Variants in RBBP8NL observed in about 807,000 individuals in gnomAD.
The protein encoded by RBBP8NL is RBBP8 N-terminal-like protein.
RBBP8NL carries 59 observed loss-of-function variants against 62.2 expected under a neutral mutation model. The observed-to-expected ratio is 0.95, with a 90% confidence interval of 0.77 to 1.18. The LOEUF (loss-of-function observed/expected upper bound fraction) is 1.18, where lower values mean the gene tolerates loss of function less well. Ranked by LOEUF, RBBP8NL falls within the 50% of genes most tolerant of loss-of-function variation. RBBP8NL has a pLI of 0.00. For synonymous variants in RBBP8NL, 412 were observed against 394.1 expected (o/e 1.05, Z -0.54); for missense variants, 896 against 899.5 (o/e 1.00, Z 0.05).
chr20:62,418,006 C>T (rs201071108), intron 3 of RBBP8NL, among the ~76,000 whole-genome samples: 2 of 152,000 alleles, frequency 1.3e-5, no homozygotes, highest in Admixed American at 6.6e-5. Flanking sequence ...CTGCACGCTC[C>T]TCTGTGACGT....
intron 11 of RBBP8NL, 142 bp from the exon 12 acceptor site, chr20:62,413,042 G>T: frequency 1.0e-6 from 1 of 972,048 alleles, no homozygotes; most frequent in Non-Finnish European, 1.5e-6. Flanking sequence ...CCAGGGCACT[G>T]GCTGACAGGA....
chr20:62,412,767 G>A lies in RBBP8NL; in HGVS notation c.1747-14C>T. 1 of 1,612,840 alleles carries A rather than the reference G, an allele frequency of 6.2e-7. No individual in the cohort carries two copies. Among genetic ancestry groups the A allele is most frequent in the South Asian group, 1.1e-5 (1 of 91,084 alleles). On this transcript the variant is annotated splice_polypyrimidine_tract_variant and intron_variant, in intron 12 of 13. Transcript: ENST00000252998. The stretch of plus-strand genomic sequence containing the variant: ...GCTCAGGCCCACCTGGGGAGAAGGG[G>A]GTGTGGTCACGAGGAGGACTGCCTC...
At chr20:62,422,041 A>G (rs1194731103) in intron 1 of RBBP8NL, among the ~76,000 whole-genome samples, 2 of 151,544 alleles carry the variant, frequency 1.3e-5, no homozygotes, top group Non-Finnish European at 2.9e-5. Flanking sequence ...GCCTCCCCCC[A>G]TCTCTTCCAG....
At chr20:62,422,901 C>T (rs78908215) in intron 1 of RBBP8NL, among the ~76,000 whole-genome samples, 4,011 of 152,148 alleles carry the variant, frequency 0.026, 174 homozygotes, top group African/African-American at 0.089. Flanking sequence ...TGCAGAGGCT[C>T]AGTCCACAGA....
intron 1 of RBBP8NL, among the ~76,000 whole-genome samples, chr20:62,423,504 C>T (rs560493327): frequency 1.1e-4 from 17 of 152,286 alleles, no homozygotes; most frequent in Middle Eastern, 3.4e-3. Context: ...TCCTGAAACT[C>T]CCCCCAGACC....
At chr20:62,413,345 C>T in intron 11 of RBBP8NL, 56 bp downstream of exon 11, 1 of 1,371,736 alleles carries the variant, frequency 7.3e-7, no homozygotes, top group Non-Finnish European at 9.4e-7. Flanking sequence ...ACCACCCTCT[C>T]TCTCCGTGGG....
Position 62,414,377 on chromosome 20 carries a change from C to T in RBBP8NL, c.974G>A (p.Arg325Lys), listed in dbSNP as rs1988512702. 1 of 1,545,450 alleles carries T rather than the reference C, an allele frequency of 6.5e-7. No homozygotes were observed. Among genetic ancestry groups the T allele is most frequent in the Non-Finnish European group, 8.8e-7 (1 of 1,141,464 alleles). The part of the protein sequence containing the change: ...SDPRLQDLKA[R>K]EAEAWEEPTE... ...GGGCTCCTCCCAGGCCTCTGCTTCT[C>T]TGGCCTTCAGGTCCTGGAGCCGGGG... Residue 325 changes from arginine to lysine, a missense_variant, in exon 10 of 14, where the codon AGA (arginine) becomes AAA (lysine). Transcript: ENST00000252998.
chr20:62,410,947 C>T lies in RBBP8NL; in HGVS notation c.1926G>A (p.Gly642=). 1 of 1,613,730 alleles carries T rather than the reference C, an allele frequency of 6.2e-7. No homozygotes were observed. The highest frequency in any genetic ancestry group is 8.5e-7 in the Non-Finnish European group (1 of 1,179,902). Residue 642 remains glycine (G), a synonymous_variant, in exon 14 of 14, where the codon GGG becomes GGA. Coordinates refer to ENST00000252998, the MANE Select transcript of RBBP8NL (RefSeq NM_080833.3). ...CCTCGGCGTCCCTTGGGCTCCCGGGCCCCTCAGTGGCTGTCAGTTTCCTTC... is the reference window on the plus strand; with the variant it reads ...CCTCGGCGTCCCTTGGGCTCCCGGGTCCCTCAGTGGCTGTCAGTTTCCTTC... ...RGRRKLTATE[G]PGSPRDAEDH... is the part of the protein sequence containing the mutation.
Position 62,416,176 on chromosome 20 carries a change from A to C in RBBP8NL, c.374T>G (p.Leu125Arg), listed in dbSNP as rs750119814. The change falls in exon 6 of 14, where the codon CTT becomes CGT. Residue 125 changes from leucine (L) to arginine (R), a missense_variant. Physicochemically the swap from Leu to Arg is moderately radical, Grantham distance 102. Transcript: ENST00000252998. Reference sequence around the variant, plus strand: ...CTTTCCCACTCACCCCAGGCCCCGAAGCCGCTTCACCTCCTCCTTCAAGGT... The same window carrying C: ...CTTTCCCACTCACCCCAGGCCCCGACGCCGCTTCACCTCCTCCTTCAAGGT... ...NETLKEEVKR[L>R]RGLGDRPKPR... 6.2e-7 allele frequency: 1 copy of C among 1,612,330 alleles called. No homozygotes were observed. Among genetic ancestry groups the C allele is most frequent in the Non-Finnish European group, 8.5e-7 (1 of 1,179,568 alleles).
At position 62,413,872 on chromosome 20, in the gene RBBP8NL, A is replaced by G; in HGVS notation, c.1479T>C (p.Asn493=). The G allele has an allele frequency of 6.3e-7, 1 of 1,596,362 alleles. No homozygotes were observed. The highest frequency in any genetic ancestry group is 8.5e-7 in the Non-Finnish European group (1 of 1,172,408). The part of the protein sequence containing the change: ...PLTRSPQALS[N]GTKGTRVPEQ... ...CTGGCACTCTGGTCCCCTTGGTGCCATTGCTGAGTGCCTGGGGACTGCGAG... is the reference window on the plus strand; with the variant it reads ...CTGGCACTCTGGTCCCCTTGGTGCCGTTGCTGAGTGCCTGGGGACTGCGAG... Residue 493 remains asparagine (N), a synonymous_variant, in exon 10 of 14, where the codon AAT becomes AAC. Transcript: ENST00000252998.
chr20:62,416,288 C>CG, intron 5 of RBBP8NL, 52 bp from the exon 6 acceptor site: 1 of 206,530 alleles, frequency 4.8e-6, no homozygotes, highest in East Asian at 1.2e-4. Flanking sequence ...GGGACAGGGG[C>CG]AGGGGTGGGG....
chr20:62,425,008 C>T (rs777622032), intron 1 of RBBP8NL, among the ~76,000 whole-genome samples: 1 of 152,156 alleles, frequency 6.6e-6, no homozygotes, highest in African/African-American at 2.4e-5. Flanking sequence ...CCTGGTGGGG[C>T]TCTCGGACCC....
In RBBP8NL at chr20:62,415,016, A is replaced by G. The variant is rs1988528801; in HGVS notation, c.794+105T>C. On this transcript the variant is annotated intron_variant, in intron 9 of 13. Coordinates refer to ENST00000252998, the MANE Select transcript of RBBP8NL (RefSeq NM_080833.3). ...GTGCCCAGAAAAAGCCAAGCCAGAG[A>G]AGTTCAGGGCTGTGAGGGATAATCA... 6.5e-6 allele frequency: 8 copies of G among 1,229,306 alleles called. No homozygotes were observed. The East Asian group carries it at 2.3e-4, about 35-fold the overall frequency. 76.1% of individuals were successfully genotyped at this position (1,229,306 alleles called of 1,614,324 possible). A position where few individuals can be genotyped will look rare whatever the true frequency, so the allele number is the denominator to read the frequency against.
At chr20:62,420,379 C>CACACACAT (rs1555892567) in intron 1 of RBBP8NL, among the ~76,000 whole-genome samples, 1 of 145,742 alleles carries the variant, frequency 6.9e-6, no homozygotes, top group African/African-American at 2.7e-5. Flanking sequence ...CACACACACA[C>CACACACAT]ACACACACAC....
chr20:62,417,665 C>G (rs1569025754), intron 3 of RBBP8NL, among the ~76,000 whole-genome samples: 1 of 111,992 alleles, frequency 8.9e-6, no homozygotes, highest in Admixed American at 9.3e-5. Context: ...GTCCACGCAC[C>G]CCCCCCAGTC....
Position 62,415,598 on chromosome 20 carries a change from C to G in RBBP8NL, c.607G>C (p.Glu203Gln). Residue 203 changes from glutamate (E) to glutamine (Q), a missense_variant, in exon 8 of 14, where the codon GAG becomes CAG. Coordinates refer to ENST00000252998, the MANE Select transcript of RBBP8NL (RefSeq NM_080833.3). The part of the protein sequence containing the change: ...AKISPGATLP[E>Q]SRAPDMSPQR... ...CTTACCATGTCTGGGGCTCGCGACT[C>G]AGGCAGGGTGGCCCCTGGGGAGATT... 6.2e-7 allele frequency: 1 copy of G among 1,612,898 alleles called. No individual in the cohort carries two copies. The highest frequency in any genetic ancestry group is 8.5e-7 in the Non-Finnish European group (1 of 1,179,920).
chr20:62,427,045 T>A (rs1988826391), intron 1 of RBBP8NL, among the ~76,000 whole-genome samples: 1 of 152,184 alleles, frequency 6.6e-6, no homozygotes, highest in Non-Finnish European at 1.5e-5. Context: ...CTGCGGGTGC[T>A]GCACCCCTGC....
At chr20:62,425,070 G>C (rs552154440) in intron 1 of RBBP8NL, among the ~76,000 whole-genome samples, 1 of 152,324 alleles carries the variant, frequency 6.6e-6, no homozygotes, top group Admixed American at 6.5e-5. Flanking sequence ...CTCTGAGCCT[G>C]TTTCCTCACC....
At chr20:62,411,926 G>A (rs897866672) in intron 13 of RBBP8NL, among the ~76,000 whole-genome samples, 1 of 152,264 alleles carries the variant, frequency 6.6e-6, no homozygotes, top group Admixed American at 6.5e-5. Context: ...TGCTGCCTGC[G>A]GGCCTTGCCC....
Sources: allele counts gnomAD v4.1 joint callset (sites outside exome capture counted in the v4.1 genomes callset), GRCh38; gene constraint gnomAD v4.1.1; transcripts MANE v1.5; gene names NCBI Gene and HGNC (gene_info 2026-07-23, HGNC 2026-07-21).